Variants in ATM observed in about 807,000 individuals in gnomAD.
ATM encodes the protein ATM serine/threonine kinase, also known as serine-protein kinase ATM.
In ATM, 308 loss-of-function variants were observed where a neutral mutation model predicts 387.0. That is an observed-to-expected ratio of 0.80 (90% CI 0.73 to 0.87). ATM has a LOEUF of 0.87. ATM is among the 40% of genes least tolerant of loss of function. The probability of loss-of-function intolerance (pLI) is 0.00; values close to 1 mark genes in which losing one functional copy is unlikely to be tolerated. For missense variants in ATM, 3,312 were observed against 3,560.9 expected (o/e 0.93, Z 1.78); for synonymous variants, 1,156 against 1,187.3 (o/e 0.97, Z 0.54).
chr11:108,356,641 G>A (rs2089960776), intron 61 of ATM, among the ~76,000 whole-genome samples: 1 of 151,974 alleles, frequency 6.6e-6, no homozygotes, highest in Non-Finnish European at 1.5e-5. Flanking sequence ...CAGTCAGAAG[G>A]GATTTTTATG....
intron 29 of ATM, among the ~76,000 whole-genome samples, chr11:108,291,493 A>G (rs1330852442): frequency 6.6e-6 from 1 of 152,194 alleles, no homozygotes; most frequent in East Asian, 1.9e-4. Flanking sequence ...CTCTCTACTC[A>G]TTCCACAATA....
chr11:108,353,078 G>A (rs2089407117), intron 59 of ATM, among the ~76,000 whole-genome samples: 1 of 152,128 alleles, frequency 6.6e-6, no homozygotes, highest in Non-Finnish European at 1.5e-5. Context: ...ATGGGGAAAA[G>A]GCATAAGGGA....
intron 31 of ATM, 82 bp from the exon 32 acceptor site, chr11:108,294,845 A>AG: frequency 6.7e-7 from 1 of 1,503,526 alleles, no homozygotes; most frequent in Non-Finnish European, 9.2e-7. Flanking sequence ...AATGGCACTT[A>AG]ACTAATTTTT....
intron 22 of ATM, among the ~76,000 whole-genome samples, chr11:108,276,861 G>A (rs2081977484): frequency 6.6e-6 from 1 of 152,206 alleles, no homozygotes. Flanking sequence ...CACTTGAGGA[G>A]GCAGTCTGTC....
intron 13 of ATM, among the ~76,000 whole-genome samples, chr11:108,254,804 A>G (rs1373127403): frequency 3.3e-5 from 5 of 152,016 alleles, no homozygotes; most frequent in African/African-American, 1.2e-4. Context: ...GAGTGCTACC[A>G]CGCCCAGGTA....
At chr11:108,248,140 A>G (rs2079946509) in intron 8 of ATM, among the ~76,000 whole-genome samples, 1 of 152,116 alleles carries the variant, frequency 6.6e-6, no homozygotes, top group Non-Finnish European at 1.5e-5. Context: ...ATTCATTTTT[A>G]TTGCTGAATA....
intron 56 of ATM, among the ~76,000 whole-genome samples, chr11:108,342,572 G>C (rs925037290): frequency 1.3e-5 from 2 of 152,106 alleles, no homozygotes; most frequent in Non-Finnish European, 2.9e-5. Flanking sequence ...AAGCACACAA[G>C]GGGGAGCTTC....
chr11:108,235,882 A>C, intron 5 of ATM, 48 bp downstream of exon 5: 1 of 1,601,050 alleles, frequency 6.2e-7, no homozygotes, highest in Non-Finnish European at 8.6e-7. Flanking sequence ...ATGAAATGAA[A>C]CTTCACCAAA....
At chr11:108,230,376 A>G (rs746322168) in intron 4 of ATM, 3 of 152,188 alleles carry the variant, frequency 2.0e-5, no homozygotes, top group Non-Finnish European at 4.4e-5. Context: ...AGATTACGCC[A>G]CTACACTCCA....
intron 18 of ATM, among the ~76,000 whole-genome samples, chr11:108,269,513 A>G (rs945477985): frequency 6.6e-6 from 1 of 152,156 alleles, no homozygotes; most frequent in African/African-American, 2.4e-5. Flanking sequence ...CTAGCAGTTA[A>G]AAAAAACACC....
In ATM at chr11:108,367,594, G is replaced by A. The variant is rs1275623087; in HGVS notation, c.*2086G>A. 1 of 207,440 alleles carries A rather than the reference G, an allele frequency of 4.8e-6. No homozygotes were observed. Among genetic ancestry groups the A allele is most frequent in the African/African-American group, 2.3e-5 (1 of 43,816 alleles). The allele number at this position is 207,440 out of a possible 1,614,324, so 12.8% of individuals were successfully genotyped here. On this transcript the variant is annotated 3_prime_UTR_variant, in exon 63 of 63. Transcript: ENST00000675843. ...TCCCAGCTGCGGAGATTAACAAATG[G>A]GTGATTGAGCTTTCTCCTCGTATTT...
rs375131360 is a variant in ATM, at chr11:108,299,717, C to T, written c.5009C>T (p.Ala1670Val). ...GAAATAGAATTTCTATATGTAGAGGCTGTTGGAAGCTGCTTGGGAGAAGTG... is the reference window on the plus strand; with the variant it reads ...GAAATAGAATTTCTATATGTAGAGGTTGTTGGAAGCTGCTTGGGAGAAGTG... ...NHTGEKEVLE[A>V]VGSCLGEVGP... The change falls in exon 34 of 63, where the codon GCT becomes GTT. Residue 1670 changes from alanine to valine, a missense_variant. This residue lies in a region of ATM where 1,405 missense variants were observed against 1,604.4 expected (regional missense o/e 0.88). Transcript: ENST00000675843. 12 of 1,613,450 alleles carry T rather than the reference C, an allele frequency of 7.4e-6. No individual in the cohort carries two copies. Among genetic ancestry groups the T allele is most frequent in the Non-Finnish European group, 1.0e-5 (12 of 1,179,788 alleles).
intron 35 of ATM, among the ~76,000 whole-genome samples, chr11:108,302,407 T>C (rs2083476941): frequency 6.6e-6 from 1 of 152,170 alleles, no homozygotes; most frequent in Non-Finnish European, 1.5e-5. Flanking sequence ...TTTCAGTGCA[T>C]CATAAATATA....
intron 22 of ATM, 122 bp from the exon 23 acceptor site, chr11:108,279,369 T>A: frequency 1.4e-6 from 1 of 736,538 alleles, no homozygotes; most frequent in East Asian, 2.7e-5. Flanking sequence ...AAGAAAGAGC[T>A]AGTATGTTAT....
At chr11:108,330,581 T>C (rs2086152001) in intron 50 of ATM, among the ~76,000 whole-genome samples, 160 bp downstream of exon 50, 1 of 152,206 alleles carries the variant, frequency 6.6e-6, no homozygotes, top group African/African-American at 2.4e-5. Context: ...TTGATCCATA[T>C]TTAGGATTAT....
At chr11:108,331,674 T>C in intron 51 of ATM, 117 bp downstream of exon 51, 1 of 1,383,000 alleles carries the variant, frequency 7.2e-7, no homozygotes, top group South Asian at 1.5e-5. Flanking sequence ...TTTTGTATTT[T>C]TTGTCTTCTC....
intron 61 of ATM, 54 bp downstream of exon 61, chr11:108,354,928 T>A (rs2137361096): frequency 6.9e-7 from 1 of 1,454,630 alleles, no homozygotes; most frequent in Non-Finnish European, 9.6e-7. Context: ...GTAGACTGTG[T>A]ATCTCATCAG....
At chr11:108,241,267 CTGTTT>C (rs887084706) in intron 5 of ATM, among the ~76,000 whole-genome samples, 23 of 152,126 alleles carry the variant, frequency 1.5e-4, no homozygotes, top group South Asian at 4.1e-4. Context: ...GACTGTTTTA[CTGTTT>C]TGTTTTGTTT....
intron 4 of ATM, chr11:108,230,724 C>G (rs925929076): frequency 6.6e-6 from 1 of 152,100 alleles, no homozygotes; most frequent in Non-Finnish European, 1.5e-5. Flanking sequence ...TTAATACAGG[C>G]TCTTGCTCTG....
Sources: allele counts gnomAD v4.1 joint callset (sites outside exome capture counted in the v4.1 genomes callset), GRCh38; gene constraint gnomAD v4.1.1; regional missense constraint gnomAD v4.1.1; transcripts MANE v1.5; gene names NCBI Gene and HGNC (gene_info 2026-07-23, HGNC 2026-07-21).